The following KLHL5 variants were observed in gnomAD, a reference collection of about 807,000 sequenced individuals.
KLHL5 encodes the protein kelch like family member 5.
Under a neutral mutation model 77.7 loss-of-function variants are expected in KLHL5, and 48 were observed. That is an observed-to-expected ratio of 0.62 (90% CI 0.49 to 0.79). The LOEUF is 0.79. Ranked by LOEUF, KLHL5 falls within the 30% of genes least tolerant of loss-of-function variation. KLHL5 has a pLI of 0.00. For missense variants in KLHL5, 723 were observed against 859.7 expected, an observed-to-expected ratio of 0.84 and a Z score of 1.99; for synonymous variants, 260 against 297.0, an observed-to-expected ratio of 0.88 and a Z score of 1.28.
At chr4:39,136,585 G>A in the KLHL5 span, among the ~76,000 whole-genome samples, 2 of 152,172 alleles carry the variant, frequency 1.3e-5, no homozygotes, top group African/African-American at 4.8e-5. Flanking sequence ...GGTGAAGAGG[G>A]TGGGCTACAG....
chr4:39,068,565 T>C (rs1293541693), intron 1 of KLHL5, among the ~76,000 whole-genome samples: 1 of 152,114 alleles, frequency 6.6e-6, no homozygotes, highest in African/African-American at 2.4e-5. Flanking sequence ...TGAAGTTGAC[T>C]GGATGATTTA....
chr4:39,054,124 T>C (rs1485289321), intron 1 of KLHL5, among the ~76,000 whole-genome samples: 1 of 152,238 alleles, frequency 6.6e-6, no homozygotes, highest in Non-Finnish European at 1.5e-5. Context: ...AATTTGTCTG[T>C]TCTGCTACTC....
At chr4:39,080,175 A>G (rs1039593282) in intron 2 of KLHL5, among the ~76,000 whole-genome samples, 2 of 152,146 alleles carry the variant, frequency 1.3e-5, no homozygotes, top group Non-Finnish European at 2.9e-5. Flanking sequence ...TTTAAAATCT[A>G]TTTAAGTGTG....
chr4:39,051,014 C>G (rs1716599787), intron 1 of KLHL5, among the ~76,000 whole-genome samples: 1 of 152,198 alleles, frequency 6.6e-6, no homozygotes, highest in South Asian at 2.1e-4. Flanking sequence ...AGCTTCCTGG[C>G]TTCTCCTCAT....
chr4:39,059,182 T>A (rs977816850), upstream of KLHL5, among the ~76,000 whole-genome samples: 1 of 152,164 alleles, frequency 6.6e-6, no homozygotes, highest in Non-Finnish European at 1.5e-5. Context: ...GTTATTTAAG[T>A]GAATGCTGAA....
intron 6 of KLHL5, among the ~76,000 whole-genome samples, chr4:39,100,025 T>C (rs1721406912): frequency 6.6e-6 from 1 of 152,260 alleles, no homozygotes; most frequent in Non-Finnish European, 1.5e-5. Context: ...TCTATATTTA[T>C]GTATAATACC....
chr4:39,070,775 C>A (rs1466443573), intron 1 of KLHL5, among the ~76,000 whole-genome samples: 1 of 152,148 alleles, frequency 6.6e-6, no homozygotes, highest in Admixed American at 6.6e-5. Flanking sequence ...AAATATATTT[C>A]TCTTGAGGAG....
At chr4:39,110,900 G>A (rs1722412507) in intron 8 of KLHL5, among the ~76,000 whole-genome samples, 1 of 152,152 alleles carries the variant, frequency 6.6e-6, no homozygotes, top group African/African-American at 2.4e-5. Flanking sequence ...CACTATCGTG[G>A]TGAAGAGAGA....
chr4:39,142,767 C>T, the KLHL5 span, among the ~76,000 whole-genome samples: 1 of 145,756 alleles, frequency 6.9e-6, no homozygotes, highest in Admixed American at 6.9e-5. Context: ...GGAAGAACCT[C>T]AAGGAAATTA....
chr4:39,101,146 A>ATATATATC (rs1238965685), intron 6 of KLHL5, among the ~76,000 whole-genome samples: 7 of 145,330 alleles, frequency 4.8e-5, no homozygotes, highest in South Asian at 2.1e-4. Flanking sequence ...ATATATATAT[A>ATATATATC]TCTACCTGAG....
chr4:39,058,632 A>G (rs962796240), upstream of KLHL5, among the ~76,000 whole-genome samples: 2 of 152,078 alleles, frequency 1.3e-5, no homozygotes, highest in South Asian at 4.1e-4. Flanking sequence ...ATATATATAT[A>G]TTTTGTCACC....
Position 39,115,456 on chromosome 4 carries a change from T to C in KLHL5, c.2073+126T>C, listed in dbSNP as rs545665647. The C allele has an allele frequency of 3.0e-4, 456 of 1,527,398 alleles. 2 individuals are homozygous for C. The South Asian group carries it at 5.4e-3, about 18-fold the overall frequency. The allele number at this position is 1,527,398 out of a possible 1,614,324, so 94.6% of individuals were successfully genotyped here. ...TGGCATAAATATGACAATCACGTTT[T>C]GATTAGCGATGAGAAAAAGAGGCAA... On this transcript the variant is annotated intron_variant, in intron 10 of 10. Transcript: ENST00000504108.
intron 5 of KLHL5, among the ~76,000 whole-genome samples, chr4:39,090,504 G>A (rs1351198028): frequency 8.7e-5 from 13 of 149,368 alleles, no homozygotes; most frequent in East Asian, 2.0e-4. Flanking sequence ...GCTGGAGTGC[G>A]GTGGCACAAT....
At chr4:39,138,837 AAAAT>A in the KLHL5 span, among the ~76,000 whole-genome samples, 1 of 152,240 alleles carries the variant, frequency 6.6e-6, no homozygotes, top group Non-Finnish European at 1.5e-5. Flanking sequence ...AAATATAAAT[AAAAT>A]AAATACATAA....
At chr4:39,114,977 A>G (rs957768005) in intron 9 of KLHL5, among the ~76,000 whole-genome samples, 182 bp from the exon 10 acceptor site, 6 of 152,224 alleles carry the variant, frequency 3.9e-5, no homozygotes, top group African/African-American at 1.4e-4. Flanking sequence ...AAGTGGATCT[A>G]TTAATATAAT....
At chr4:39,132,000 C>G in the KLHL5 span, among the ~76,000 whole-genome samples, 3 of 152,096 alleles carry the variant, frequency 2.0e-5, no homozygotes, top group Non-Finnish European at 4.4e-5. Flanking sequence ...CTCAAAAATT[C>G]CCCTTCGGTT....
At chr4:39,071,025 T>G (rs77529677) in intron 1 of KLHL5, among the ~76,000 whole-genome samples, 2,357 of 152,256 alleles carry the variant, frequency 0.015, 59 homozygotes, top group African/African-American at 0.053. Flanking sequence ...AAAATATATA[T>G]AAAAGCTTCT....
Position 39,113,005 on chromosome 4 carries a change from A to T in KLHL5, c.1689-15A>T. 1 of 1,606,736 alleles carries T rather than the reference A, an allele frequency of 6.2e-7. No homozygotes were observed. ...GCACATGTCTTATTTATCATTTCATATATTCTTTTTGCAGACTTTATGCAG... is the reference window on the plus strand; with the variant it reads ...GCACATGTCTTATTTATCATTTCATTTATTCTTTTTGCAGACTTTATGCAG... On this transcript the variant is annotated splice_polypyrimidine_tract_variant and intron_variant, in intron 8 of 10. Transcript: ENST00000504108.
chr4:39,061,091 A>G (rs1170621187), upstream of KLHL5, among the ~76,000 whole-genome samples: 1 of 152,142 alleles, frequency 6.6e-6, no homozygotes, highest in African/African-American at 2.4e-5. Flanking sequence ...CTTCTCCCTA[A>G]TGAAACTGGC....
Sources: allele counts gnomAD v4.1 joint callset (sites outside exome capture counted in the v4.1 genomes callset), GRCh38; gene constraint gnomAD v4.1.1; transcripts MANE v1.5; gene names NCBI Gene and HGNC (gene_info 2026-07-23, HGNC 2026-07-21).